Variants in ABCC2 observed in about 807,000 individuals in gnomAD.
ABCC2 encodes the protein ATP-binding cassette sub-family C member 2.
Under a neutral mutation model 173.4 loss-of-function variants are expected in ABCC2, and 157 were observed. The ratio of observed to expected loss-of-function variants is 0.91; its 90% CI spans 0.80 to 1.03. The LOEUF (loss-of-function observed/expected upper bound fraction) is 1.03, where lower values mean the gene tolerates loss of function less well. ABCC2 is among the 50% of genes least tolerant of loss of function. The pLI is 0.00. For missense variants in ABCC2, 1,822 were observed against 1,852.3 expected (o/e 0.98, Z 0.30); for synonymous variants, 657 against 693.5 (o/e 0.95, Z 0.83).
At chr10:99,797,494 G>T (rs2037939371) in intron 7 of ABCC2, 163 bp downstream of exon 7, 1 of 687,774 alleles carries the variant, frequency 1.5e-6, no homozygotes. Context: ...CTTAGTGATG[G>T]ATACATGGCG....
At chr10:99,806,036 T>A (rs2038093886) in intron 11 of ABCC2, among the ~76,000 whole-genome samples, 1 of 151,396 alleles carries the variant, frequency 6.6e-6, no homozygotes, top group Non-Finnish European at 1.5e-5. Context: ...TGATATTTAA[T>A]TGATAGTGAT....
chr10:99,841,997 G>A lies in ABCC2; in HGVS notation c.3645G>A (p.Gly1215=), dbSNP rs1165514222. The A allele has an allele frequency of 6.2e-7, 1 of 1,614,170 alleles. No homozygotes were observed. Among genetic ancestry groups the A allele is most frequent in the Non-Finnish European group, 8.5e-7 (1 of 1,180,024 alleles). Residue 1215 remains glycine, a synonymous_variant, in exon 26 of 32, where the codon GGG becomes GGA. Transcript: ENST00000647814. ...RWLAIRLELV[G]NLTVFFSALM... ...TTGCAATTCGCCTGGAGCTGGTTGG[G>A]AACCTGACTGTCTTCTTTTCAGCCT...
chr10:99,793,752 G>A (rs1333388898), intron 4 of ABCC2, 67 bp downstream of exon 4: 1 of 1,605,046 alleles, frequency 6.2e-7, no homozygotes, highest in Non-Finnish European at 8.5e-7. Context: ...ATAGTAAATG[G>A]CATCAAGTTG....
Position 99,817,376 on chromosome 10 carries a change from T to C in ABCC2, c.2163T>C (p.Phe721=). The C allele has an allele frequency of 1.2e-6, 2 of 1,614,174 alleles. No individual in the cohort carries two copies. Among genetic ancestry groups the C allele is most frequent in the Non-Finnish European group, 1.7e-6 (2 of 1,180,016 alleles). The change falls in exon 17 of 32, where the codon TTT becomes TTC. Residue 721 remains phenylalanine, a synonymous_variant. Coordinates refer to ENST00000647814, the MANE Select transcript of ABCC2 (RefSeq NM_000392.5). ...GCACCATAAAGGACAACATCCTTTT[T>C]GGAACAGAGTTTAATGAAAAGAGGT... The part of the protein sequence containing the change: ...QNGTIKDNIL[F]GTEFNEKRYQ...
intron 5 of ABCC2, 120 bp from the exon 6 acceptor site, chr10:99,794,293 A>T: frequency 1.0e-6 from 1 of 965,590 alleles, no homozygotes; most frequent in Non-Finnish European, 1.6e-6. Flanking sequence ...AGCTGACTTT[A>T]ACATCATATC....
At chr10:99,821,667 G>A (rs768634095) in intron 19 of ABCC2, among the ~76,000 whole-genome samples, 11 of 152,174 alleles carry the variant, frequency 7.2e-5, no homozygotes, top group Non-Finnish European at 1.5e-4. Flanking sequence ...GAGAGCACGG[G>A]GTTGGGGGTA....
At chr10:99,842,393 G>C (rs1471020957) in intron 26 of ABCC2, among the ~76,000 whole-genome samples, 1 of 152,136 alleles carries the variant, frequency 6.6e-6, no homozygotes, top group African/African-American at 2.4e-5. Context: ...TCTAGTGAGA[G>C]AATAAATAAC....
chr10:99,794,413 AATCCATC>A lies in ABCC2; in HGVS notation c.584_590del (p.Ser195Ter), dbSNP rs2132976682. ...ATTTCGATTTTTTTGTGTCTTTCAG[AATCCATC>A]ATCCATAGCTTCATTCCTGAGTAGC... On this transcript the variant is annotated frameshift_variant and splice_region_variant, in exon 6 of 32. Transcript: ENST00000647814. LOFTEE classifies it high-confidence loss of function. 6.2e-7 allele frequency: 1 copy of A among 1,613,858 alleles called. No individual in the cohort carries two copies. Among genetic ancestry groups the A allele is most frequent in the Non-Finnish European group, 8.5e-7 (1 of 1,179,818 alleles).
intron 16 of ABCC2, among the ~76,000 whole-genome samples, chr10:99,814,812 T>G (rs1479367928): frequency 1.4e-5 from 2 of 147,924 alleles, no homozygotes; most frequent in African/African-American, 2.5e-5. Context: ...TGTGTGTATA[T>G]ATATATTTTG....
intron 6 of ABCC2, among the ~76,000 whole-genome samples, chr10:99,796,365 G>T (rs571016438): frequency 6.6e-6 from 1 of 152,078 alleles, no homozygotes; most frequent in Non-Finnish European, 1.5e-5. Context: ...TTAGCCAGGC[G>T]TGGTGGTGTG....
chr10:99,846,474 T>G (rs965632746), intron 29 of ABCC2, among the ~76,000 whole-genome samples: 11 of 152,152 alleles, frequency 7.2e-5, no homozygotes, highest in Non-Finnish European at 1.3e-4. Context: ...TCCCTCTACC[T>G]TGAAATCACG....
intron 19 of ABCC2, among the ~76,000 whole-genome samples, chr10:99,820,639 T>C (rs561423807): frequency 1.3e-5 from 2 of 152,138 alleles, no homozygotes; most frequent in East Asian, 3.9e-4. Flanking sequence ...GTCTGTAGCT[T>C]TGGAAGGAGA....
chr10:99,838,079 G>C (rs1187698130), intron 25 of ABCC2, among the ~76,000 whole-genome samples: 653 of 66,844 alleles, frequency 9.8e-3, no homozygotes, highest in Non-Finnish European at 0.016. Flanking sequence ...CCTCCCGGAC[G>C]GGGCGGCTGG....
In ABCC2 at chr10:99,793,588, G is replaced by T. The variant is rs754539916; in HGVS notation, c.371G>T (p.Cys124Phe). The T allele has an allele frequency of 6.1e-5, 98 of 1,613,962 alleles. No homozygotes were observed. The highest frequency in any genetic ancestry group is 8.3e-5 in the Admixed American group (5 of 59,998). The change falls in exon 4 of 32, where the codon TGT (cysteine) becomes TTT (phenylalanine). Residue 124 changes from cysteine (C) to phenylalanine (F), a missense_variant. Coordinates refer to ENST00000647814, the MANE Select transcript of ABCC2 (RefSeq NM_000392.5). ...VLLIQYSRQW[C>F]VQKNSWFLSL... is the part of the protein sequence containing the mutation. ...CTGATCCAATACAGCAGACAATGGT[G>T]TGTACAGAAAAACTCCTGGTTCCTG...
chr10:99,831,754 C>T lies in ABCC2; in HGVS notation c.3027C>T (p.Ile1009=), dbSNP rs1189158317. The part of the protein sequence containing the change: ...WLSAWTSDSK[I]FNSTDYPASQ... The stretch of plus-strand genomic sequence containing the variant: ...GTGCTTGGACCAGTGACTCTAAAAT[C>T]TTCAATAGCACCGACTATCCAGCAT... Residue 1009 remains isoleucine (I), a synonymous_variant, in exon 22 of 32, where the codon ATC becomes ATT. Coordinates refer to ENST00000647814, the MANE Select transcript of ABCC2 (RefSeq NM_000392.5). 6.2e-7 allele frequency: 1 copy of T among 1,614,182 alleles called. No individual in the cohort carries two copies. The highest frequency in any genetic ancestry group is 8.5e-7 in the Non-Finnish European group (1 of 1,180,028).
intron 1 of ABCC2, among the ~76,000 whole-genome samples, chr10:99,784,401 G>C (rs2037669931): frequency 6.6e-6 from 1 of 152,136 alleles, no homozygotes. Context: ...TTGGAGGGTG[G>C]GTTGGCCAGA....
At chr10:99,790,672 T>C (rs1157940805) in intron 2 of ABCC2, among the ~76,000 whole-genome samples, 2 of 152,226 alleles carry the variant, frequency 1.3e-5, no homozygotes, top group African/African-American at 4.8e-5. Flanking sequence ...CTACATTTTT[T>C]TCCCAAAACC....
intron 2 of ABCC2, among the ~76,000 whole-genome samples, chr10:99,785,220 G>A (rs773445225): frequency 2.6e-5 from 4 of 152,168 alleles, no homozygotes; most frequent in African/African-American, 4.8e-5. Context: ...ACTTGGGTCC[G>A]AAATAAGGTT....
chr10:99,795,796 A>AT (rs1491570249), intron 6 of ABCC2, among the ~76,000 whole-genome samples: 27 of 49,124 alleles, frequency 5.5e-4, no homozygotes, highest in Admixed American at 1.3e-3. Flanking sequence ...AGAAAGAAAG[A>AT]AAGAAAGATT....
Sources: allele counts gnomAD v4.1 joint callset (sites outside exome capture counted in the v4.1 genomes callset), GRCh38; gene constraint gnomAD v4.1.1; transcripts MANE v1.5; gene names NCBI Gene and HGNC (gene_info 2026-07-23, HGNC 2026-07-21).